ERBIN: variants seen among roughly 807,000 people sequenced by gnomAD.
ERBIN encodes erbb2 interacting protein, also known as densin-180-like protein.
In ERBIN, 60 loss-of-function variants were observed where a neutral mutation model predicts 158.4. That is an observed-to-expected ratio of 0.38 (90% confidence interval 0.31 to 0.47). The LOEUF is 0.47. Among genes scored for constraint, ERBIN ranks in the 20% least tolerant of loss-of-function variants. The pLI, the probability that ERBIN is intolerant of heterozygous loss-of-function variation, is 0.99. For missense variants in ERBIN, 1,610 were observed against 1,648.0 expected (o/e 0.98, Z 0.40); for synonymous variants, 594 against 557.2 (o/e 1.07, Z -0.93).
At position 66,080,248 on chromosome 5, in the gene ERBIN, T is replaced by A. The variant is rs1762325721; in HGVS notation, c.*1718T>A. 6.6e-6 allele frequency: 1 copy of A among 152,574 alleles called. No homozygotes were observed. Among genetic ancestry groups the A allele is most frequent in the African/African-American group, 2.4e-5 (1 of 41,452 alleles). The allele number at this position is 152,574 out of a possible 1,614,324, so 9.5% of individuals were successfully genotyped here. ...AGTCAGAGTAAGTAGGCAGCACTTTTAAAAATATGTGAACTCAAATATTGC... is the reference window on the plus strand; with the variant it reads ...AGTCAGAGTAAGTAGGCAGCACTTTAAAAAATATGTGAACTCAAATATTGC... On this transcript the variant is annotated 3_prime_UTR_variant, in exon 26 of 26. Coordinates refer to ENST00000284037, the MANE Select transcript of ERBIN (RefSeq NM_001253697.2).
At position 65,977,416 on chromosome 5, in the gene ERBIN, C is replaced by G. The variant is rs1239455143; in HGVS notation, c.-57-11219C>G. Among the ~76,000 whole-genome samples the G allele has an allele frequency of 4.7e-3, 706 of 150,720 alleles. 3 individuals are homozygous for G. Among genetic ancestry groups the G allele is most frequent in the African/African-American group, 0.016 (651 of 40,836 alleles). ...CTTCTCAGACGGGGCGGCTGCCGGG[C>G]GGAGGGGCTCCTCACTTCTCGGACG... On this transcript the variant is annotated intron_variant, in intron 1 of 25. Transcript: ENST00000284037.
At chr5:65,935,451 G>T (rs549817745) in intron 1 of ERBIN, among the ~76,000 whole-genome samples, 7 of 152,068 alleles carry the variant, frequency 4.6e-5, no homozygotes, top group Non-Finnish European at 1.0e-4. Flanking sequence ...GTAAACATTT[G>T]TTCAAACATT....
intron 1 of ERBIN, among the ~76,000 whole-genome samples, chr5:65,959,383 T>C (rs1747664518): frequency 6.6e-6 from 1 of 152,234 alleles, no homozygotes; most frequent in East Asian, 1.9e-4. Flanking sequence ...TTAGATTCTT[T>C]AATTTTATAA....
At chr5:66,060,075 C>G (rs938350297) in intron 21 of ERBIN, among the ~76,000 whole-genome samples, 1 of 152,324 alleles carries the variant, frequency 6.6e-6, no homozygotes, top group South Asian at 2.1e-4. Flanking sequence ...GGAGGATTCC[C>G]TCTTTTTCTG....
chr5:66,048,834 A>G (rs570919374), intron 19 of ERBIN, 53 bp downstream of exon 19: 40 of 1,105,312 alleles, frequency 3.6e-5, no homozygotes, highest in African/African-American at 1.8e-4. Flanking sequence ...ATAAATTTAT[A>G]AATTTTTTTG....
intron 1 of ERBIN, among the ~76,000 whole-genome samples, chr5:65,968,351 A>G (rs1030394304): frequency 1.3e-5 from 2 of 152,160 alleles, no homozygotes; most frequent in South Asian, 2.1e-4. Flanking sequence ...AATAAGATAT[A>G]TTTGGCTTGT....
chr5:66,035,852 G>T (rs1436487297), intron 14 of ERBIN, among the ~76,000 whole-genome samples: 3 of 152,164 alleles, frequency 2.0e-5, no homozygotes, highest in Non-Finnish European at 4.4e-5. Context: ...CTAGCACTTT[G>T]AGAAGTCAAG....
chr5:66,057,813 G>A (rs9765778), intron 21 of ERBIN, among the ~76,000 whole-genome samples: 5,839 of 149,360 alleles, frequency 0.039, 387 homozygotes, highest in African/African-American at 0.14. Context: ...TTGGTTTTTC[G>A]TCCTTGTGAT....
chr5:66,053,502 T>G lies in ERBIN; in HGVS notation c.2184T>G (p.Phe728Leu). 1 of 1,609,720 alleles carries G rather than the reference T, an allele frequency of 6.2e-7. No individual in the cohort carries two copies. Residue 728 changes from phenylalanine (F) to leucine (L), a missense_variant, in exon 21 of 26, where the codon TTT becomes TTG. By Grantham distance (22) the Phe-to-Leu change is conservative. Transcript: ENST00000284037. ...TCAAAGCTCATGATAAAAAAGATTT[T>G]AACTTACCTGAATATGATTTGAATG... ...EKFKAHDKKDFNLPEYDLNVE... is the reference protein window; with the variant it reads ...EKFKAHDKKDLNLPEYDLNVE...
At chr5:66,042,606 A>G (rs1489507582) in intron 15 of ERBIN, among the ~76,000 whole-genome samples, 1 of 152,094 alleles carries the variant, frequency 6.6e-6, no homozygotes, top group Non-Finnish European at 1.5e-5. Context: ...TTCACCCTAT[A>G]TATCTGATAG....
chr5:65,992,587 C>CT (rs1751992612), intron 2 of ERBIN, 123 bp from the exon 3 acceptor site: 2 of 659,168 alleles, frequency 3.0e-6, no homozygotes, highest in East Asian at 5.8e-5. Flanking sequence ...TTCCATTGTG[C>CT]TTGTATAGTG....
rs753409042 is a variant in ERBIN at position 66,078,541 on chromosome 5, CAA to C, written c.*17_*18del. ...GAAGTTTCCTCATAAGCACTGTGGA[CAA>C]AAAAAGCGGGGAAGACAGCAAGATT... On this transcript the variant is annotated 3_prime_UTR_variant, in exon 26 of 26. Coordinates refer to ENST00000284037, the MANE Select transcript of ERBIN (RefSeq NM_001253697.2). 2 of 1,542,112 alleles carry C rather than the reference CAA, an allele frequency of 1.3e-6. No individual in the cohort carries two copies. The highest frequency in any genetic ancestry group is 1.7e-5 in the Admixed American group (1 of 57,960).
chr5:66,050,831 G>C lies in ERBIN; in HGVS notation c.1952G>C (p.Ser651Thr). Residue 651 changes from serine to threonine, a missense_variant, in exon 20 of 26, where the codon AGC becomes ACC. Ser to Thr is a moderately conservative substitution (Grantham distance 58). Coordinates refer to ENST00000284037, the MANE Select transcript of ERBIN (RefSeq NM_001253697.2). The part of the protein sequence containing the change: ...DSLSDEVTHN[S>T]NQNNSNCSSP... Reference sequence around the variant, plus strand: ...TTATCAGATGAAGTTACACACAATAGCAATCAGAATAACAGCAATTGTTCT... The same window carrying C: ...TTATCAGATGAAGTTACACACAATACCAATCAGAATAACAGCAATTGTTCT... The C allele has an allele frequency of 6.3e-7, 1 of 1,594,076 alleles. No homozygotes were observed. Among genetic ancestry groups the C allele is most frequent in the Non-Finnish European group, 8.5e-7 (1 of 1,173,094 alleles).
At chr5:65,956,693 TAAAAAG>T (rs1481724844) in intron 1 of ERBIN, among the ~76,000 whole-genome samples, 2 of 151,996 alleles carry the variant, frequency 1.3e-5, no homozygotes, top group Admixed American at 1.3e-4. Flanking sequence ...AAAAATTTCT[TAAAAAG>T]AAATTTCAAC....
rs764617097 is a variant in ERBIN at position 66,041,031 on chromosome 5, C to CT, written c.1307-2045dup. Among the ~76,000 whole-genome samples, 4 of 151,808 alleles carry CT rather than the reference C, an allele frequency of 2.6e-5. 1 individual carries two copies. Among genetic ancestry groups the CT allele is most frequent in the Non-Finnish European group, 4.4e-5 (3 of 67,828 alleles). ...GCAGGATATTAGTGGAAATATGAGT[C>CT]TGAGGGTTTTTATTGCATTTCTTTT... On this transcript the variant is annotated intron_variant, in intron 15 of 25. Coordinates refer to ENST00000284037, the MANE Select transcript of ERBIN (RefSeq NM_001253697.2).
chr5:66,025,631 C>T, intron 11 of ERBIN, 79 bp downstream of exon 11: 3 of 1,134,512 alleles, frequency 2.6e-6, no homozygotes, highest in Non-Finnish European at 3.9e-6. Flanking sequence ...CAGGTATTTG[C>T]ATAAATGACC....
chr5:66,057,598 C>A (rs1382235685), intron 21 of ERBIN, among the ~76,000 whole-genome samples: 1 of 151,908 alleles, frequency 6.6e-6, no homozygotes, highest in Non-Finnish European at 1.5e-5. Context: ...ATGTGCACAA[C>A]GTGCAGGTTT....
chr5:65,944,971 A>G (rs1215089444), intron 1 of ERBIN, among the ~76,000 whole-genome samples: 1 of 152,208 alleles, frequency 6.6e-6, no homozygotes, highest in Non-Finnish European at 1.5e-5. Flanking sequence ...AAAAGCAAAT[A>G]TCAAATTTAA....
At chr5:65,964,010 AG>A (rs1370499563) in intron 1 of ERBIN, among the ~76,000 whole-genome samples, 3 of 152,120 alleles carry the variant, frequency 2.0e-5, no homozygotes, top group Non-Finnish European at 4.4e-5. Flanking sequence ...CATGTTAGCC[AG>A]GATGGTCTTG....
Sources: gnomAD v4.1 joint callset for allele counts (sites outside exome capture counted in the v4.1 genomes callset) on GRCh38, gnomAD v4.1.1 for gene constraint, MANE v1.5 for transcripts, NCBI Gene and HGNC (gene_info 2026-07-23, HGNC 2026-07-21) for gene names.